Variants in ARSG observed in about 807,000 individuals in gnomAD.
ARSG encodes the protein arylsulfatase G.
Under a neutral mutation model 50.5 loss-of-function variants are expected in ARSG, and 37 were observed. The observed-to-expected ratio is 0.73, with a 90% confidence interval of 0.56 to 0.96. ARSG has a LOEUF of 0.96. ARSG is among the 50% of genes least tolerant of loss of function. The probability of loss-of-function intolerance (pLI) is 0.00; values close to 1 mark genes in which losing one functional copy is unlikely to be tolerated. For synonymous variants in ARSG, 225 were observed against 254.6 expected (o/e 0.88, Z 1.11); for missense variants, 629 against 675.3 (o/e 0.93, Z 0.76).
At chr17:68,332,276 T>A (rs1432070505) in intron 2 of ARSG, among the ~76,000 whole-genome samples, 1 of 152,228 alleles carries the variant, frequency 6.6e-6, no homozygotes, top group Non-Finnish European at 1.5e-5. Context: ...AGAAGAGAAA[T>A]ATAGCTCTGT....
intron 9 of ARSG, among the ~76,000 whole-genome samples, chr17:68,387,079 TCACACACACACACACACACACA>T (rs72320984): frequency 1.4e-4 from 20 of 146,418 alleles, no homozygotes; most frequent in South Asian, 9.0e-4. Flanking sequence ...ATATAGTGTA[TCACACACACACACACACACACA>T]CACACACACA....
intron 11 of ARSG, among the ~76,000 whole-genome samples, chr17:68,405,634 C>T (rs1231592513): frequency 6.6e-6 from 1 of 152,138 alleles, no homozygotes; most frequent in African/African-American, 2.4e-5. Context: ...GGTCATTTTA[C>T]TTCCTCCATT....
chr17:68,260,719 CT>C (rs1327558333), intron 1 of ARSG, among the ~76,000 whole-genome samples: 2 of 152,008 alleles, frequency 1.3e-5, no homozygotes, highest in Non-Finnish European at 2.9e-5. Flanking sequence ...GTCTGGATTC[CT>C]GAGCTCAAGC....
chr17:68,334,500 G>C (rs1004050713), intron 2 of ARSG, among the ~76,000 whole-genome samples: 1 of 152,102 alleles, frequency 6.6e-6, no homozygotes, highest in African/African-American at 2.4e-5. Flanking sequence ...GTATTGCTGA[G>C]TAACAAGCCA....
chr17:68,278,557 C>T (rs2075596494), intron 1 of ARSG, among the ~76,000 whole-genome samples: 1 of 152,020 alleles, frequency 6.6e-6, no homozygotes, highest in Non-Finnish European at 1.5e-5. Flanking sequence ...ACGTCAGCCT[C>T]CCAAGTAGCT....
At chr17:68,289,552 C>T (rs1568421940), upstream of ARSG, among the ~76,000 whole-genome samples, 2 of 152,186 alleles carry the variant, frequency 1.3e-5, no homozygotes. Flanking sequence ...TTCTTAAAGG[C>T]GTAGCCCGGA....
intron 2 of ARSG, among the ~76,000 whole-genome samples, chr17:68,309,264 G>A (rs1168743479): frequency 2.0e-5 from 3 of 152,230 alleles, no homozygotes; most frequent in African/African-American, 2.4e-5. Flanking sequence ...AGCGCAGCAC[G>A]CAGCCCCAGT....
chr17:68,379,613 C>T lies in ARSG; in HGVS notation c.983-5451C>T, dbSNP rs138189330. Among the ~76,000 whole-genome samples the T allele has an allele frequency of 2.3e-4, 35 of 151,940 alleles. No individual in the cohort carries two copies. The East Asian group carries it at 6.4e-3, about 28-fold the overall frequency. ...TTCTTTAGAAGGTTATTAGAATGTG[C>T]ACTCCTCAGAACAGGCACTCTACCC... On this transcript the variant is annotated intron_variant, in intron 8 of 11. Transcript: ENST00000621439.
In ARSG at chr17:68,387,459, G is replaced by A. The variant is rs2080785043; in HGVS notation, c.1091+2287G>A. ...TAGTTTTTGGTGTTAAATTAGGCTG[G>A]ATTTCAGCCAGCCAGTTTTACCTCT... On this transcript the variant is annotated intron_variant, in intron 9 of 11. Transcript: ENST00000621439. 1.3e-5 allele frequency among the ~76,000 whole-genome samples: 2 copies of A among 152,134 alleles called. 1 individual carries two copies. The highest frequency in any genetic ancestry group is 4.2e-4 in the South Asian group (2 of 4,814).
chr17:68,319,344 C>T (rs1028393213), intron 2 of ARSG, among the ~76,000 whole-genome samples: 2 of 152,104 alleles, frequency 1.3e-5, no homozygotes, highest in African/African-American at 4.8e-5. Flanking sequence ...GTGGGACAGG[C>T]GACTTTATGT....
rs910793330 is a variant in ARSG at position 68,367,886 on chromosome 17, C to T, written c.705-662C>T. ...AGGAGTTTGAGGCCAACCTAGCCAA[C>T]GTAGCAAAACCCCATCTCTACTAAA... On this transcript the variant is annotated intron_variant, in intron 6 of 11. Coordinates refer to ENST00000621439, the MANE Select transcript of ARSG (RefSeq NM_001267727.2). The surrounding 1 kb of genome is among the most constrained non-coding windows in gnomAD (Gnocchi z 4.5). Among the ~76,000 whole-genome samples, 2 of 152,146 alleles carry T rather than the reference C, an allele frequency of 1.3e-5. No individual in the cohort carries two copies. The highest frequency in any genetic ancestry group is 2.9e-5 in the Non-Finnish European group (2 of 68,040).
At chr17:68,426,247 AGCG>A, downstream of ARSG, 1 of 655,814 alleles carries the variant, frequency 1.5e-6, no homozygotes, top group Admixed American at 3.9e-5. Context: ...GCGGGTGGGG[AGCG>A]GGGGCTCAAA....
chr17:68,368,239 T>G (rs1411146312), intron 6 of ARSG, among the ~76,000 whole-genome samples: 1 of 152,216 alleles, frequency 6.6e-6, no homozygotes, highest in Non-Finnish European at 1.5e-5. Flanking sequence ...TCCTTTAATC[T>G]CTAAGCTTCT....
chr17:68,333,692 G>A (rs2077890002), intron 2 of ARSG, among the ~76,000 whole-genome samples: 1 of 151,230 alleles, frequency 6.6e-6, no homozygotes, highest in Non-Finnish European at 1.5e-5. Flanking sequence ...AATAAGAGTT[G>A]TTATAAGGAA....
At chr17:68,277,194 T>C (rs2075551211) in intron 1 of ARSG, among the ~76,000 whole-genome samples, 2 of 151,970 alleles carry the variant, frequency 1.3e-5, no homozygotes, top group Non-Finnish European at 2.9e-5. Flanking sequence ...TGCAATGGCA[T>C]GATCTGGGCT....
chr17:68,283,489 CCA>C (rs1273840773), intron 1 of ARSG, among the ~76,000 whole-genome samples: 8 of 149,796 alleles, frequency 5.3e-5, no homozygotes, highest in Non-Finnish European at 1.0e-4. Flanking sequence ...CCACTGCACT[CCA>C]GCCTGGGCGA....
chr17:68,271,329 G>C lies in ARSG; in HGVS notation c.-552+11903G>C. 2 of 1,614,180 alleles carry C rather than the reference G, an allele frequency of 1.2e-6. No individual in the cohort carries two copies. Among genetic ancestry groups the C allele is most frequent in the African/African-American group, 2.7e-5 (2 of 75,050 alleles). ...AGTCTAATAGCGGGGCTTTCTTTTC[G>C]CTTGGCCTGGGGCTGGTCTTCACCA... On this transcript the variant is annotated intron_variant, in intron 1 of 11. Coordinates refer to the ARSG transcript ENST00000448504. The surrounding 1 kb of genome is among the most constrained non-coding windows in gnomAD (Gnocchi z 5.3).
chr17:68,384,210 C>T (rs1002628642), intron 8 of ARSG, among the ~76,000 whole-genome samples: 8 of 152,118 alleles, frequency 5.3e-5, no homozygotes, highest in African/African-American at 1.7e-4. Context: ...GATCCTTGGC[C>T]CTTGGCTCAA....
Position 68,274,031 on chromosome 17 carries a change from C to A in ARSG, c.-552+14605C>A, listed in dbSNP as rs368706585. ...TAGCCCCCCCAACATCACTACCAGA[C>A]GGTGTCCGAAACGATTGCTCAGGAC... On this transcript the variant is annotated intron_variant, in intron 1 of 11. Coordinates refer to the ARSG transcript ENST00000448504. 4 of 1,614,002 alleles carry A rather than the reference C, an allele frequency of 2.5e-6. No homozygotes were observed. The African/African-American group carries it at 5.3e-5, about 22-fold the overall frequency.
Sources: allele counts gnomAD v4.1 joint callset (sites outside exome capture counted in the v4.1 genomes callset), GRCh38; gene constraint gnomAD v4.1.1; non-coding constraint Gnocchi (gnomAD v3.1); transcripts MANE v1.5; gene names NCBI Gene and HGNC (gene_info 2026-07-23, HGNC 2026-07-21).